Variants in PLCH2 observed in about 807,000 individuals in gnomAD.
The protein encoded by PLCH2 is 1-phosphatidylinositol 4,5-bisphosphate phosphodiesterase eta-2.
In PLCH2, 98 loss-of-function variants were observed where a neutral mutation model predicts 134.7. The observed-to-expected ratio is 0.73, with a 90% CI of 0.62 to 0.86. The LOEUF (loss-of-function observed/expected upper bound fraction) is 0.86. PLCH2 is among the 40% of genes least tolerant of loss of function. The pLI is 0.00. For missense variants in PLCH2, 1,994 were observed against 1,986.6 expected, an observed-to-expected ratio of 1.00 and a Z score of -0.07; for synonymous variants, 974 against 827.5, an observed-to-expected ratio of 1.18 and a Z score of -3.04.
intron 1 of PLCH2, among the ~76,000 whole-genome samples, chr1:2,476,979 G>T (rs1641667451): frequency 6.6e-6 from 1 of 152,184 alleles, no homozygotes; most frequent in South Asian, 2.1e-4. Context: ...GGGCGAGGGG[G>T]GATCTCAGGT....
Position 2,443,977 on chromosome 1 carries a change from G to T in PLCH2, c.115+13348G>T, listed in dbSNP as rs564214846. 2.6e-5 allele frequency among the ~76,000 whole-genome samples: 4 copies of T among 152,218 alleles called. No individual in the cohort carries two copies. In the South Asian group the frequency reaches 8.3e-4, roughly 32 times the overall value. ...GAGCCGCCCCGCAGAAGCACAGTAGGTGCCGCTCCTGCCGCTGCGCCGCTG... is the reference window on the plus strand; with the variant it reads ...GAGCCGCCCCGCAGAAGCACAGTAGTTGCCGCTCCTGCCGCTGCGCCGCTG... On this transcript the variant is annotated intron_variant, in intron 2 of 3. Transcript: ENST00000609981.
intron 21 of PLCH2, 155 bp from the exon 22 acceptor site, chr1:2,503,767 G>T: frequency 1.6e-6 from 1 of 615,896 alleles, no homozygotes. Flanking sequence ...CCGCGCCCGG[G>T]GGATGCCTCG....
Position 2,505,120 on chromosome 1 carries a change from C to A in PLCH2, c.4158C>A (p.Gly1386=), listed in dbSNP as rs1485311700. Residue 1386 remains glycine (G), a synonymous_variant, in exon 22 of 22, where the codon GGC becomes GGA. Coordinates refer to ENST00000378486, the MANE Select transcript of PLCH2 (RefSeq NM_014638.4). ...RGTPEGACSV[G]HEGSVDAPAP... is the part of the protein sequence containing the mutation. The stretch of plus-strand genomic sequence containing the variant: ...CCCCCGAGGGCGCCTGCTCCGTGGG[C>A]CACGAGGGCAGTGTGGATGCACCAG... 5 of 1,548,158 alleles carry A rather than the reference C, an allele frequency of 3.2e-6. No homozygotes were observed. The highest frequency in any genetic ancestry group is 4.3e-6 in the Non-Finnish European group (5 of 1,155,804).
At chr1:2,457,380 C>T (rs1185514813) in intron 2 of PLCH2, among the ~76,000 whole-genome samples, 3 of 152,180 alleles carry the variant, frequency 2.0e-5, no homozygotes, top group Admixed American at 6.5e-5. Context: ...TGCATGCTCC[C>T]AGTGGCCTCG....
intron 2 of PLCH2, among the ~76,000 whole-genome samples, chr1:2,462,014 C>T (rs1640823820): frequency 6.6e-6 from 1 of 151,472 alleles, no homozygotes; most frequent in South Asian, 2.1e-4. Context: ...CTGGCTGTGC[C>T]ACTCGGCAGC....
At chr1:2,486,724 C>G (rs1351799530) in intron 5 of PLCH2, among the ~76,000 whole-genome samples, 183 bp from the exon 6 acceptor site, 1 of 152,236 alleles carries the variant, frequency 6.6e-6, no homozygotes, top group African/African-American at 2.4e-5. Flanking sequence ...ATAGTCAGAG[C>G]AAGCCATCCA....
At chr1:2,424,042 C>G (rs182830239), upstream of PLCH2, among the ~76,000 whole-genome samples, 1 of 152,080 alleles carries the variant, frequency 6.6e-6, no homozygotes, top group Non-Finnish European at 1.5e-5. Context: ...GCCTCTGTGC[C>G]CGGCCTGTTT....
At chr1:2,477,290 C>T (rs952859144) in intron 1 of PLCH2, among the ~76,000 whole-genome samples, 1 of 152,182 alleles carries the variant, frequency 6.6e-6, no homozygotes, top group Non-Finnish European at 1.5e-5. Flanking sequence ...TGCCTCACCC[C>T]TCTCCTAAAT....
In PLCH2 at chr1:2,432,859, C is replaced by T. The variant is rs910852147; in HGVS notation, c.115+2230C>T. 3.3e-5 allele frequency among the ~76,000 whole-genome samples: 5 copies of T among 152,190 alleles called. No homozygotes were observed. In the South Asian group the frequency reaches 8.3e-4, roughly 25 times the overall value. ...TGTCACAGGAGCTGCCCCTGGGAGGCGCCTGGAGGTCTTTCCCGTCCGTCA... is the reference window on the plus strand; with the variant it reads ...TGTCACAGGAGCTGCCCCTGGGAGGTGCCTGGAGGTCTTTCCCGTCCGTCA... On this transcript the variant is annotated intron_variant, in intron 2 of 3. Transcript: ENST00000609981.
rs1179231738 is a variant in PLCH2, at chr1:2,459,528, TCCTC to T, written c.116-18946_116-18943del. Among the ~76,000 whole-genome samples, 64 of 138,226 alleles carry T rather than the reference TCCTC, an allele frequency of 4.6e-4. 8 individuals carry two copies. The highest frequency in any genetic ancestry group is 1.7e-3 in the African/African-American group (62 of 36,290). 90.7% of individuals were successfully genotyped at this position (138,226 alleles called of 152,430 possible). ...TCCTGGTGGTCCTCCTTCCTGGTGG[TCCTC>T]CTTCCTGGTGGTCCTCCTTCCTGGT... On this transcript the variant is annotated intron_variant, in intron 2 of 3. Transcript: ENST00000609981.
Position 2,495,478 on chromosome 1 carries a change from C to T in PLCH2, c.1753-10C>T. On this transcript the variant is annotated splice_polypyrimidine_tract_variant and intron_variant, in intron 12 of 21. Coordinates refer to ENST00000378486, the MANE Select transcript of PLCH2 (RefSeq NM_014638.4). Reference sequence around the variant, plus strand: ...AGGCCCTACAGCTCACACCTCTGCCCCCCGCACAGAAGAAGGGCAGCAAGC... The same window carrying T: ...AGGCCCTACAGCTCACACCTCTGCCTCCCGCACAGAAGAAGGGCAGCAAGC... 1.9e-6 allele frequency: 3 copies of T among 1,550,922 alleles called. No individual in the cohort carries two copies. Among genetic ancestry groups the T allele is most frequent in the East Asian group, 2.4e-5 (1 of 40,888 alleles).
intron 2 of PLCH2, among the ~76,000 whole-genome samples, chr1:2,454,548 C>A (rs1314453376): frequency 6.6e-6 from 1 of 152,134 alleles, no homozygotes; most frequent in Admixed American, 6.5e-5. Flanking sequence ...TGGACCGTGT[C>A]CCTTTACTTG....
At chr1:2,492,854 G>A (rs907112055) in intron 11 of PLCH2, among the ~76,000 whole-genome samples, 3 of 152,132 alleles carry the variant, frequency 2.0e-5, no homozygotes, top group Non-Finnish European at 4.4e-5. Flanking sequence ...CTCTACTCAC[G>A]AGTCCCTGAG....
At chr1:2,461,606 G>A (rs887506515) in intron 2 of PLCH2, among the ~76,000 whole-genome samples, 8 of 152,264 alleles carry the variant, frequency 5.3e-5, no homozygotes, top group Middle Eastern at 3.4e-3. Flanking sequence ...CCTCCAGCCC[G>A]CAACAGGGAA....
exon 1 of PLCH2, chr1:2,467,583 G>T: frequency 4.9e-6 from 2 of 406,866 alleles, no homozygotes; most frequent in East Asian, 3.6e-5. Context: ...GGTGTCCCTC[G>T]GGCCGTGCCG....
In PLCH2 at chr1:2,489,850, A is replaced by C; in HGVS notation, c.1498A>C (p.Lys500Gln). 6.2e-7 allele frequency: 1 copy of C among 1,612,394 alleles called. No individual in the cohort carries two copies. Among genetic ancestry groups the C allele is most frequent in the Non-Finnish European group, 8.5e-7 (1 of 1,178,644 alleles). The change falls in exon 10 of 22, where the codon AAG becomes CAG. Residue 500 changes from lysine (K) to glutamine (Q), a missense_variant. Around this residue, in one of 2 missense-constraint regions of PLCH2, gnomAD observed 1,094 missense variants for 1,234.3 expected, o/e 0.89. Coordinates refer to ENST00000378486, the MANE Select transcript of PLCH2 (RefSeq NM_014638.4). Reference protein sequence around the residue: ...DSADEIDDDCKLLNGDASTNR... With the variant: ...DSADEIDDDCQLLNGDASTNR... Reference sequence around the variant, plus strand: ...TGCTGATGAGATTGACGATGACTGCAAGCTCCTCAATGGGGATGTGAGTCG... The same window carrying C: ...TGCTGATGAGATTGACGATGACTGCCAGCTCCTCAATGGGGATGTGAGTCG...
intron 4 of PLCH2, among the ~76,000 whole-genome samples, chr1:2,481,674 G>A (rs1432121714): frequency 6.6e-6 from 1 of 152,246 alleles, no homozygotes; most frequent in Admixed American, 6.5e-5. Flanking sequence ...GCTCTGGAGA[G>A]GAATGGCGAG....
chr1:2,498,271 T>G lies in PLCH2; in HGVS notation c.2225-252T>G. The G allele has an allele frequency of 9.2e-6, 3 of 326,346 alleles. No individual in the cohort carries two copies. Among genetic ancestry groups the G allele is most frequent in the Non-Finnish European group, 1.2e-5 (2 of 172,682 alleles). The allele number at this position is 326,346 out of a possible 1,614,324, so 20.2% of individuals were successfully genotyped here. A position where few individuals can be genotyped will look rare whatever the true frequency, so the allele number is the denominator to read the frequency against. ...GACCCAGACCCACCCCCAGAAGCCA[T>G]GTGACCTCCTCGGCTCAGCTGTGGG... is the stretch of plus-strand genomic sequence containing the variant. On this transcript the variant is annotated intron_variant, in intron 16 of 21. Transcript: ENST00000378486. The surrounding 1 kb of genome is among the most constrained non-coding windows in gnomAD (Gnocchi z 5.4).
chr1:2,505,506 A>G lies in PLCH2; in HGVS notation c.*293A>G. The G allele has an allele frequency of 2.2e-6, 1 of 454,018 alleles. No homozygotes were observed. The highest frequency in any genetic ancestry group is 3.0e-5 in the South Asian group (1 of 33,412). 28.1% of individuals were successfully genotyped at this position (454,018 alleles called of 1,614,324 possible). A position where few individuals can be genotyped will look rare whatever the true frequency, so the allele number is the denominator to read the frequency against. On this transcript the variant is annotated 3_prime_UTR_variant, in exon 22 of 22. Transcript: ENST00000378486. ...TTTTTAGAAGCAAAACTTATACAAC[A>G]TTAAAATGATACCAAGTCCCTTTCC...
Sources: allele counts gnomAD v4.1 joint callset (sites outside exome capture counted in the v4.1 genomes callset), GRCh38; gene constraint gnomAD v4.1.1; regional missense constraint gnomAD v4.1.1; non-coding constraint Gnocchi (gnomAD v3.1); transcripts MANE v1.5; gene names NCBI Gene and HGNC (gene_info 2026-07-23, HGNC 2026-07-21).